Variants in TMPRSS12 observed in about 807,000 individuals in gnomAD.
TMPRSS12 encodes transmembrane protease serine 12.
TMPRSS12 carries 25 observed loss-of-function variants against 26.0 expected under a neutral mutation model. The ratio of observed to expected loss-of-function variants is 0.96; its 90% CI spans 0.70 to 1.34. The LOEUF (loss-of-function observed/expected upper bound fraction) is 1.34. Among genes scored for constraint, TMPRSS12 ranks in the 40% most tolerant of loss-of-function variants. The pLI, the probability that TMPRSS12 is intolerant of heterozygous loss-of-function variation, is 0.00. For synonymous variants in TMPRSS12, 150 were observed against 161.7 expected, an observed-to-expected ratio of 0.93 and a Z score of 0.55; for missense variants, 441 against 440.1, an observed-to-expected ratio of 1.00 and a Z score of -0.02.
At chr12:50,875,530 T>C (rs1415530457) in intron 3 of TMPRSS12, among the ~76,000 whole-genome samples, 1 of 133,390 alleles carries the variant, frequency 7.5e-6, no homozygotes, top group Non-Finnish European at 1.6e-5. Context: ...CAAAACAACA[T>C]GGTATTGTTA....
intron 4 of TMPRSS12, chr12:50,885,655 A>T (rs1016048968): frequency 1.7e-6 from 1 of 590,162 alleles, no homozygotes; most frequent in Non-Finnish European, 3.0e-6. Context: ...AAAAGTGTAC[A>T]GCTCAATTTT....
In TMPRSS12 at chr12:50,852,017, C is replaced by T. The variant is rs147430891; in HGVS notation, c.384-6768C>T. On this transcript the variant is annotated intron_variant, in intron 2 of 4. Transcript: ENST00000398458. ...CAAATGCTAAGGGAATTAATTACCA[C>T]CAGACCTGCCTTACAAGAGATCCTT... Among the ~76,000 whole-genome samples, 482 of 152,270 alleles carry T rather than the reference C, an allele frequency of 3.2e-3. 1 individual carries two copies. The highest frequency in any genetic ancestry group is 5.2e-3 in the Non-Finnish European group (354 of 68,028).
chr12:50,868,119 C>T (rs1201675935), intron 3 of TMPRSS12, among the ~76,000 whole-genome samples: 9 of 152,088 alleles, frequency 5.9e-5, no homozygotes, highest in South Asian at 4.1e-4. Context: ...ACAAATAGCA[C>T]GATGAATGCA....
Position 50,887,465 on chromosome 12 carries a change from C to T in TMPRSS12, c.999C>T (p.Gly333=). The change falls in exon 5 of 5, where the codon GGC becomes GGT. Residue 333 remains glycine (G), a synonymous_variant. Transcript: ENST00000398458. Reference sequence around the variant, plus strand: ...TACTTACTATAAATATTTTACGTGGCCAGATCCTCATAGCTTTATGTTTTG... The same window carrying T: ...TACTTACTATAAATATTTTACGTGGTCAGATCCTCATAGCTTTATGTTTTG... The part of the protein sequence containing the change: ...QGILTINILR[G]QILIALCFVI... 1 of 1,613,804 alleles carries T rather than the reference C, an allele frequency of 6.2e-7. No homozygotes were observed.
rs528686255 is a variant in TMPRSS12, at chr12:50,864,651, A to T, written c.652+5598A>T. Reference sequence around the variant, plus strand: ...TAGAATTAAAAATGAGCAATAGACTATTGTTTTGTTTTGTTTTGTTTTTTT... The same window carrying T: ...TAGAATTAAAAATGAGCAATAGACTTTTGTTTTGTTTTGTTTTGTTTTTTT... On this transcript the variant is annotated intron_variant, in intron 3 of 4. Coordinates refer to ENST00000398458, the MANE Select transcript of TMPRSS12 (RefSeq NM_182559.3). Among the ~76,000 whole-genome samples, 612 of 152,168 alleles carry T rather than the reference A, an allele frequency of 4.0e-3. 3 individuals are homozygous for T. The highest frequency in any genetic ancestry group is 0.014 in the African/African-American group (588 of 41,518).
chr12:50,882,969 T>C (rs1210320695), intron 3 of TMPRSS12, among the ~76,000 whole-genome samples: 1 of 152,164 alleles, frequency 6.6e-6, no homozygotes, highest in Non-Finnish European at 1.5e-5. Flanking sequence ...AAGCCCAACG[T>C]TATAAATGCA....
At position 50,843,115 on chromosome 12, in the gene TMPRSS12, C is replaced by T; in HGVS notation, c.151C>T (p.Leu51Phe). 6.3e-7 allele frequency: 1 copy of T among 1,576,786 alleles called. No homozygotes were observed. Among genetic ancestry groups the T allele is most frequent in the Non-Finnish European group, 8.6e-7 (1 of 1,161,104 alleles). Reference protein sequence around the residue: ...SQQAEAVRKRLRRRREGGAHA... With the variant: ...SQQAEAVRKRFRRRREGGAHA... ...GCAGGCTGAGGCCGTCCGCAAGAGG[C>T]TCCGGCGGCGGAGGGAGGGAGGGGC... is the stretch of plus-strand genomic sequence containing the variant. The change falls in exon 1 of 5, where the codon CTC (leucine) becomes TTC (phenylalanine). Residue 51 changes from leucine (L) to phenylalanine (F), a missense_variant. Physicochemically the swap from Leu to Phe is conservative, Grantham distance 22. Coordinates refer to ENST00000398458, the MANE Select transcript of TMPRSS12 (RefSeq NM_182559.3).
rs1262747775 is a variant in TMPRSS12 at position 50,843,840 on chromosome 12, A to G, written c.188-2A>G. 6.5e-7 allele frequency: 1 copy of G among 1,550,346 alleles called. No homozygotes were observed. Among genetic ancestry groups the G allele is most frequent in the Admixed American group, 2.0e-5 (1 of 50,890 alleles). On this transcript the variant is annotated splice_acceptor_variant, in intron 1 of 4. Transcript: ENST00000398458. LOFTEE classifies it high-confidence loss of function. ...CAAATAATATATCATTTTTATTTTT[A>G]GATTGTGGAACAGCACCGCTTAAGG...
chr12:50,881,752 C>A (rs893144559), intron 3 of TMPRSS12, among the ~76,000 whole-genome samples: 12 of 150,936 alleles, frequency 8.0e-5, no homozygotes, highest in African/African-American at 2.7e-4. Flanking sequence ...GGGCAGATCA[C>A]GAGGTCAAGA....
chr12:50,887,864 C>A lies in TMPRSS12; in HGVS notation c.*351C>A, dbSNP rs950558810. On this transcript the variant is annotated 3_prime_UTR_variant, in exon 5 of 5. Coordinates refer to ENST00000398458, the MANE Select transcript of TMPRSS12 (RefSeq NM_182559.3). ...TTGGTTAAATTAATAAAAATTCTTT[C>A]TTAGATTTTATTCTAAAAAATGTTT... 2 of 160,686 alleles carry A rather than the reference C, an allele frequency of 1.2e-5. No homozygotes were observed. Among genetic ancestry groups the A allele is most frequent in the Admixed American group, 6.5e-5 (1 of 15,490 alleles). 10.0% of individuals were successfully genotyped at this position (160,686 alleles called of 1,614,324 possible). A position where few individuals can be genotyped will look rare whatever the true frequency, so the allele number is the denominator to read the frequency against.
At chr12:50,862,711 A>G (rs141145420) in intron 3 of TMPRSS12, among the ~76,000 whole-genome samples, 2 of 152,156 alleles carry the variant, frequency 1.3e-5, no homozygotes, top group East Asian at 1.9e-4. Flanking sequence ...TTTTTAGTAG[A>G]GATGGAATTT....
intron 3 of TMPRSS12, among the ~76,000 whole-genome samples, chr12:50,862,885 G>A (rs1213531033): frequency 6.6e-6 from 1 of 151,836 alleles, no homozygotes; most frequent in Non-Finnish European, 1.5e-5. Context: ...AAAAAAAGGA[G>A]GGAAAAATAC....
At chr12:50,859,343 G>A (rs1937913669) in intron 3 of TMPRSS12, among the ~76,000 whole-genome samples, 1 of 151,714 alleles carries the variant, frequency 6.6e-6, no homozygotes, top group Non-Finnish European at 1.5e-5. Context: ...AGCCTCCCAA[G>A]TAGCTGGGAT....
At chr12:50,854,464 C>G (rs1391157245) in intron 2 of TMPRSS12, among the ~76,000 whole-genome samples, 1 of 151,984 alleles carries the variant, frequency 6.6e-6, no homozygotes, top group African/African-American at 2.4e-5. Context: ...ACCAGAGCAA[C>G]CAGGCAAGAG....
chr12:50,872,842 C>G lies in TMPRSS12; in HGVS notation c.653-12404C>G, dbSNP rs200977755. Among the ~76,000 whole-genome samples, 12 of 13,134 alleles carry G rather than the reference C, an allele frequency of 9.1e-4. 2 individuals are homozygous for G. The highest frequency in any genetic ancestry group is 2.1e-3 in the African/African-American group (9 of 4,256). 8.6% of individuals were successfully genotyped at this position (13,134 alleles called of 152,430 possible). Reference sequence around the variant, plus strand: ...GTATATATGTACATATATATGACGTCTATATATGTACATATATATGACTAT... The same window carrying G: ...GTATATATGTACATATATATGACGTGTATATATGTACATATATATGACTAT... On this transcript the variant is annotated intron_variant, in intron 3 of 4. Coordinates refer to ENST00000398458, the MANE Select transcript of TMPRSS12 (RefSeq NM_182559.3).
chr12:50,851,934 A>G (rs1157953883), intron 2 of TMPRSS12, among the ~76,000 whole-genome samples: 6 of 152,244 alleles, frequency 3.9e-5, no homozygotes, highest in African/African-American at 1.4e-4. Flanking sequence ...CAAGAATTTC[A>G]TATCCAGCCA....
At chr12:50,863,054 C>G (rs1937953342) in intron 3 of TMPRSS12, among the ~76,000 whole-genome samples, 1 of 151,822 alleles carries the variant, frequency 6.6e-6, no homozygotes, top group South Asian at 2.1e-4. Flanking sequence ...TATGGTAGTG[C>G]ATGTCTATAG....
chr12:50,865,064 G>GC (rs1357323513), intron 3 of TMPRSS12, among the ~76,000 whole-genome samples: 1 of 152,128 alleles, frequency 6.6e-6, no homozygotes, highest in Non-Finnish European at 1.5e-5. Context: ...GGGTGCGGTG[G>GC]CCCATGCCTG....
rs370929092 is a variant in TMPRSS12 at position 50,887,522 on chromosome 12, T to G, written c.*9T>G. On this transcript the variant is annotated 3_prime_UTR_variant, in exon 5 of 5. Transcript: ENST00000398458. ...TACTAGCAACAACATAAAGAAATTC[T>G]GAAGGCTTTCATATCTTTATTTTGC... The G allele has an allele frequency of 6.8e-6, 11 of 1,607,888 alleles. No individual in the cohort carries two copies. The African/African-American group carries it at 1.5e-4, about 22-fold the overall frequency.
Sources: allele counts gnomAD v4.1 joint callset (sites outside exome capture counted in the v4.1 genomes callset), GRCh38; gene constraint gnomAD v4.1.1; transcripts MANE v1.5; gene names NCBI Gene and HGNC (gene_info 2026-07-23, HGNC 2026-07-21).